The following RPP30 variants were observed in gnomAD, a reference collection of about 807,000 sequenced individuals.
RPP30 encodes ribonuclease P protein subunit p30.
RPP30 carries 36 observed loss-of-function variants against 38.6 expected under a neutral mutation model. That is an observed-to-expected ratio of 0.93 (90% confidence interval 0.71 to 1.23). The LOEUF (loss-of-function observed/expected upper bound fraction) is 1.23, where lower values mean the gene tolerates loss of function less well. Among genes scored for constraint, RPP30 ranks in the 50% most tolerant of loss-of-function variants. The probability of loss-of-function intolerance (pLI) is 0.00; values close to 1 mark genes in which losing one functional copy is unlikely to be tolerated. For synonymous variants in RPP30, 126 were observed against 112.7 expected (o/e 1.12, Z -0.75); for missense variants, 321 against 321.7 (o/e 1.00, Z 0.02).
intron 2 of RPP30, 90 bp downstream of exon 2, chr10:90,875,014 A>C: frequency 1.3e-6 from 1 of 748,906 alleles, no homozygotes; most frequent in Admixed American, 2.7e-5. Flanking sequence ...AGATTAGAAT[A>C]TTTCTTAAAT....
chr10:90,901,071 C>A lies in RPP30; in HGVS notation c.*392C>A. On this transcript the variant is annotated 3_prime_UTR_variant, in exon 11 of 11. Transcript: ENST00000371703. ...AGCTCACTGCAACCTCAATCCTGGGCTCAAGTGATCCTCCCGCTTCAGCCT... is the reference window on the plus strand; with the variant it reads ...AGCTCACTGCAACCTCAATCCTGGGATCAAGTGATCCTCCCGCTTCAGCCT... The A allele has an allele frequency of 2.3e-6, 1 of 426,764 alleles. No individual in the cohort carries two copies. Among genetic ancestry groups the A allele is most frequent in the Non-Finnish European group, 3.1e-6 (1 of 320,126 alleles). 26.4% of individuals were successfully genotyped at this position (426,764 alleles called of 1,614,324 possible).
chr10:90,892,752 G>A (rs557483219), intron 6 of RPP30, among the ~76,000 whole-genome samples: 1 of 152,192 alleles, frequency 6.6e-6, no homozygotes, highest in East Asian at 1.9e-4. Context: ...CAAGGAGATG[G>A]CTGATAATAT....
intron 5 of RPP30, among the ~76,000 whole-genome samples, chr10:90,879,695 T>C (rs1236425691): frequency 6.6e-6 from 1 of 152,238 alleles, no homozygotes; most frequent in Non-Finnish European, 1.5e-5. Context: ...TGAATTTCTT[T>C]TGTACTTGTA....
chr10:90,872,510 G>A (rs1019888487), intron 1 of RPP30, among the ~76,000 whole-genome samples: 2 of 152,108 alleles, frequency 1.3e-5, no homozygotes, highest in African/African-American at 2.4e-5. Context: ...GGGAGTGTTG[G>A]AACAATACTA....
intron 6 of RPP30, among the ~76,000 whole-genome samples, chr10:90,889,589 C>T (rs1010286994): frequency 1.3e-5 from 2 of 151,998 alleles, no homozygotes; most frequent in African/African-American, 4.8e-5. Context: ...AAATTAAGCA[C>T]AGATCTTAAT....
chr10:90,894,650 A>C (rs1847119204), intron 6 of RPP30, 125 bp from the exon 7 acceptor site: 1 of 721,582 alleles, frequency 1.4e-6, no homozygotes, highest in African/African-American at 1.8e-5. Flanking sequence ...TCTTTCATAA[A>C]GCTGTACCTT....
At chr10:90,878,995 A>T (rs185359415) in intron 4 of RPP30, 68 bp from the exon 5 acceptor site, 2 of 1,289,202 alleles carry the variant, frequency 1.6e-6, no homozygotes, top group Non-Finnish European at 2.2e-6. Flanking sequence ...GTGTGAGTCA[A>T]TCACTAGACA....
chr10:90,873,202 G>A (rs1477871545), intron 1 of RPP30, among the ~76,000 whole-genome samples: 1 of 152,034 alleles, frequency 6.6e-6, no homozygotes, highest in Non-Finnish European at 1.5e-5. Context: ...AATGCTTGTG[G>A]AATAAACTGA....
downstream of RPP30, among the ~76,000 whole-genome samples, chr10:90,907,183 C>T (rs1382953960): frequency 6.6e-6 from 1 of 152,218 alleles, no homozygotes; most frequent in Non-Finnish European, 1.5e-5. Flanking sequence ...AAGTTGGTCA[C>T]ATGGTGGTAA....
intron 5 of RPP30, among the ~76,000 whole-genome samples, chr10:90,879,536 T>C (rs1396181100): frequency 6.6e-6 from 1 of 152,216 alleles, no homozygotes; most frequent in African/African-American, 2.4e-5. Context: ...TAAAAGTTTC[T>C]ACCTCTGTTT....
chr10:90,886,999 A>G (rs1434267051), intron 6 of RPP30, among the ~76,000 whole-genome samples: 1 of 152,024 alleles, frequency 6.6e-6, no homozygotes, highest in Non-Finnish European at 1.5e-5. Flanking sequence ...ACAGGGTGTC[A>G]CTCTATTGCC....
intron 6 of RPP30, among the ~76,000 whole-genome samples, chr10:90,891,592 G>A (rs561120627): frequency 5.9e-5 from 9 of 152,318 alleles, no homozygotes; most frequent in African/African-American, 2.2e-4. Flanking sequence ...GCTCTCAGTA[G>A]AGGTTTGGTT....
In RPP30 at chr10:90,900,993, G is replaced by A. The variant is rs1315005319; in HGVS notation, c.*314G>A. On this transcript the variant is annotated 3_prime_UTR_variant, in exon 11 of 11. Transcript: ENST00000371703. ...GTTTCAGGTATTTTTGTTTCATTTTGTTTTTGAGATAGGGTCTTTGTTGCT... is the reference window on the plus strand; with the variant it reads ...GTTTCAGGTATTTTTGTTTCATTTTATTTTTGAGATAGGGTCTTTGTTGCT... The A allele has an allele frequency of 9.9e-7, 1 of 1,013,278 alleles. No individual in the cohort carries two copies. The highest frequency in any genetic ancestry group is 1.2e-6 in the Non-Finnish European group (1 of 838,476). 62.8% of individuals were successfully genotyped at this position (1,013,278 alleles called of 1,614,324 possible). A position where few individuals can be genotyped will look rare whatever the true frequency, so the allele number is the denominator to read the frequency against.
At chr10:90,884,134 G>C (rs7897737) in intron 5 of RPP30, among the ~76,000 whole-genome samples, 1,732 of 152,226 alleles carry the variant, frequency 0.011, 33 homozygotes, top group African/African-American at 0.039. Flanking sequence ...ATTGTGTCTA[G>C]TCTTTCATGA....
intron 1 of RPP30, among the ~76,000 whole-genome samples, chr10:90,873,589 G>A (rs1189358844): frequency 6.6e-6 from 1 of 152,186 alleles, no homozygotes; most frequent in Non-Finnish European, 1.5e-5. Flanking sequence ...TGCCAGATGA[G>A]GAGTAGTCTA....
At chr10:90,877,890 G>A (rs1391001749) in intron 4 of RPP30, among the ~76,000 whole-genome samples, 1 of 152,200 alleles carries the variant, frequency 6.6e-6, no homozygotes, top group East Asian at 1.9e-4. Flanking sequence ...CTGAGAAGGT[G>A]AACTGTTTCA....
chr10:90,872,078 C>A lies in RPP30; in HGVS notation c.82+10C>A. On this transcript the variant is annotated intron_variant, in intron 1 of 10. Transcript: ENST00000371703. ...GAGACAGCCGCTCACCGTGAGTTGC[C>A]CCGGCTTCGCGCCTGGCCAACCTCA... 1 of 1,613,076 alleles carries A rather than the reference C, an allele frequency of 6.2e-7. No homozygotes were observed. Among genetic ancestry groups the A allele is most frequent in the Non-Finnish European group, 8.5e-7 (1 of 1,179,030 alleles).
At chr10:90,880,865 G>T (rs1846919885) in intron 5 of RPP30, among the ~76,000 whole-genome samples, 1 of 152,166 alleles carries the variant, frequency 6.6e-6, no homozygotes, top group South Asian at 2.1e-4. Flanking sequence ...CACCACTGGA[G>T]ACTTTGTTCC....
chr10:90,902,028 A>C lies in RPP30; in HGVS notation c.*1349A>C, dbSNP rs1589503853. 1 of 551,852 alleles carries C rather than the reference A, an allele frequency of 1.8e-6. No homozygotes were observed. The highest frequency in any genetic ancestry group is 2.3e-6 in the Non-Finnish European group (1 of 433,332). 34.2% of individuals were successfully genotyped at this position (551,852 alleles called of 1,614,324 possible). ...TAGCCAGGATGGTCTCAATCTCCTG[A>C]CCTCATATTCCACCCGCCTCGGCCT... On this transcript the variant is annotated 3_prime_UTR_variant, in exon 11 of 11. Coordinates refer to ENST00000371703, the MANE Select transcript of RPP30 (RefSeq NM_006413.5).
Sources: allele counts gnomAD v4.1 joint callset (sites outside exome capture counted in the v4.1 genomes callset), GRCh38; gene constraint gnomAD v4.1.1; transcripts MANE v1.5; gene names NCBI Gene and HGNC (gene_info 2026-07-23, HGNC 2026-07-21).